DTNA: variants seen among roughly 807,000 people sequenced by gnomAD.
DTNA encodes the protein dystrobrevin alpha, also known as dystrophin-related protein 3.
Under a neutral mutation model 100.7 loss-of-function variants are expected in DTNA, and 43 were observed. That is an observed-to-expected ratio of 0.43 (90% CI 0.33 to 0.55). DTNA has a LOEUF of 0.55. DTNA is among the 20% of genes least tolerant of loss of function. The pLI is 0.04. For synonymous variants in DTNA, 349 were observed against 347.9 expected (o/e 1.00, Z -0.04); for missense variants, 798 against 953.9 (o/e 0.84, Z 2.15).
chr18:34,759,096 C>A (rs1270086871), intron 2 of DTNA, among the ~76,000 whole-genome samples: 1 of 152,088 alleles, frequency 6.6e-6, no homozygotes, highest in Non-Finnish European at 1.5e-5. Flanking sequence ...TCTCCCTTAA[C>A]CAAAAATTCT....
intron 3 of DTNA, among the ~76,000 whole-genome samples, chr18:34,774,359 C>T (rs1190077902): frequency 1.3e-5 from 2 of 152,342 alleles, no homozygotes; most frequent in East Asian, 3.9e-4. Context: ...CTCCAGCACA[C>T]ATTGTAAGAA....
At chr18:34,846,973 C>T (rs1382461339) in intron 13 of DTNA, among the ~76,000 whole-genome samples, 1 of 152,102 alleles carries the variant, frequency 6.6e-6, no homozygotes, top group Admixed American at 6.6e-5. Context: ...AGTATAAGAA[C>T]TGATGCAGAA....
upstream of DTNA, among the ~76,000 whole-genome samples, chr18:34,705,688 C>G (rs2082027434): frequency 1.3e-5 from 2 of 152,100 alleles, no homozygotes; most frequent in South Asian, 4.1e-4. Flanking sequence ...AGTAATCTCC[C>G]TCCACTTCCA....
At chr18:34,857,159 C>G (rs1437870685) in intron 15 of DTNA, among the ~76,000 whole-genome samples, 1 of 152,070 alleles carries the variant, frequency 6.6e-6, no homozygotes, top group Non-Finnish European at 1.5e-5. Context: ...AAGGATTCCC[C>G]GATGGAATCA....
chr18:34,719,335 C>G (rs541156878), intron 1 of DTNA, among the ~76,000 whole-genome samples: 1 of 149,526 alleles, frequency 6.7e-6, no homozygotes, highest in African/African-American at 2.5e-5. Context: ...CAGAGTGAGA[C>G]TTCATCTCAA....
At chr18:34,775,626 C>T (rs2094007779) in intron 3 of DTNA, among the ~76,000 whole-genome samples, 1 of 152,260 alleles carries the variant, frequency 6.6e-6, no homozygotes, top group South Asian at 2.1e-4. Context: ...GCCACATGCT[C>T]AATCACTAGA....
intron 1 of DTNA, among the ~76,000 whole-genome samples, chr18:34,649,502 T>C (rs570346825): frequency 1.3e-5 from 2 of 152,322 alleles, no homozygotes; most frequent in Admixed American, 6.5e-5. Context: ...TTAAATGTTA[T>C]TGCAATTTTA....
intron 1 of DTNA, among the ~76,000 whole-genome samples, chr18:34,751,293 C>T (rs2092294293): frequency 6.6e-6 from 1 of 152,246 alleles, no homozygotes; most frequent in African/African-American, 2.4e-5. Flanking sequence ...TCCTGAAACA[C>T]AGAAGTATCC....
At chr18:34,552,599 A>G (rs1027255489) in intron 1 of DTNA, among the ~76,000 whole-genome samples, 4 of 144,592 alleles carry the variant, frequency 2.8e-5, no homozygotes, top group Non-Finnish European at 4.5e-5. Flanking sequence ...TCATTGTTCA[A>G]TTCCCACCTA....
chr18:34,729,419 GA>G (rs1419779974), intron 1 of DTNA, among the ~76,000 whole-genome samples: 1 of 152,184 alleles, frequency 6.6e-6, no homozygotes. Flanking sequence ...CTGTGTGTGA[GA>G]AATGGCACAG....
At chr18:34,708,235 T>A (rs2082351378), upstream of DTNA, 1 of 152,136 alleles carries the variant, frequency 6.6e-6, no homozygotes, top group Admixed American at 6.6e-5. Flanking sequence ...TGGTGAGCAG[T>A]TTACAGTACT....
chr18:34,683,229 T>C (rs904162763), intron 1 of DTNA, among the ~76,000 whole-genome samples: 1 of 152,186 alleles, frequency 6.6e-6, no homozygotes, highest in Non-Finnish European at 1.5e-5. Context: ...ACATTTCAAA[T>C]GTCCTGTAAT....
intron 1 of DTNA, among the ~76,000 whole-genome samples, chr18:34,576,901 T>C (rs906273401): frequency 2.0e-5 from 3 of 152,182 alleles, no homozygotes; most frequent in Non-Finnish European, 4.4e-5. Flanking sequence ...GTCAGCAAAC[T>C]GTGCTCTGAG....
intron 1 of DTNA, among the ~76,000 whole-genome samples, chr18:34,741,466 A>G (rs2090633781): frequency 6.6e-6 from 1 of 152,182 alleles, no homozygotes; most frequent in Admixed American, 6.5e-5. Context: ...AGCTAACTAA[A>G]TATATTGACA....
intron 1 of DTNA, among the ~76,000 whole-genome samples, chr18:34,666,766 G>T (rs960326220): frequency 3.3e-5 from 5 of 152,058 alleles, no homozygotes; most frequent in African/African-American, 1.2e-4. Flanking sequence ...CCTCTGTTCT[G>T]TTCCATTGGT....
intron 11 of DTNA, among the ~76,000 whole-genome samples, chr18:34,837,487 T>G (rs1447902179): frequency 6.6e-6 from 1 of 152,234 alleles, no homozygotes; most frequent in Non-Finnish European, 1.5e-5. Flanking sequence ...GCTTTAGCAA[T>G]GAGACTATAT....
intron 3 of DTNA, among the ~76,000 whole-genome samples, chr18:34,779,772 A>C (rs540441388): frequency 6.6e-6 from 1 of 152,318 alleles, no homozygotes; most frequent in South Asian, 2.1e-4. Context: ...AAAAGGGAAA[A>C]AATTTAACTG....
At chr18:34,839,717 C>T (rs2096231868) in intron 13 of DTNA, among the ~76,000 whole-genome samples, 1 of 152,070 alleles carries the variant, frequency 6.6e-6, no homozygotes, top group Admixed American at 6.6e-5. Context: ...CATGGATTTT[C>T]CATAGTTACA....
chr18:34,758,879 A>C (rs1601553000), intron 2 of DTNA, among the ~76,000 whole-genome samples: 1 of 152,226 alleles, frequency 6.6e-6, no homozygotes, highest in Non-Finnish European at 1.5e-5. Context: ...AGAAAAATGG[A>C]TAAGAAAGTT....
Sources: allele counts gnomAD v4.1 joint callset (sites outside exome capture counted in the v4.1 genomes callset), GRCh38; gene constraint gnomAD v4.1.1; transcripts MANE v1.5; gene names NCBI Gene and HGNC (gene_info 2026-07-23, HGNC 2026-07-21).